Variants in CSMD1 observed in about 807,000 individuals in gnomAD.
CSMD1 encodes the protein CUB and Sushi multiple domains 1, also known as CUB and sushi domain-containing protein 1.
In CSMD1, 213 loss-of-function variants were observed where a neutral mutation model predicts 417.5. The ratio of observed to expected loss-of-function variants is 0.51; its 90% CI spans 0.46 to 0.57. CSMD1 has a LOEUF of 0.57. Among genes scored for constraint, CSMD1 ranks in the 20% least tolerant of loss-of-function variants. The pLI is 0.00. For missense variants in CSMD1, 6,923 were observed against 4,529.7 expected, an observed-to-expected ratio of 1.53 and a Z score of -15.17; for synonymous variants, 2,862 against 1,736.8, an observed-to-expected ratio of 1.65 and a Z score of -16.11.
chr8:3,008,192 G>A (rs988194106), intron 52 of CSMD1, among the ~76,000 whole-genome samples: 1 of 152,168 alleles, frequency 6.6e-6, no homozygotes, highest in Admixed American at 6.5e-5. Flanking sequence ...GGCTCGAGAG[G>A]GAGGAAAGGC....
intron 1 of CSMD1, among the ~76,000 whole-genome samples, chr8:4,965,309 A>C (rs889266444): frequency 6.6e-6 from 1 of 152,244 alleles, no homozygotes; most frequent in African/African-American, 2.4e-5. Context: ...CATAGTTGCA[A>C]ATGCTTTACA....
chr8:3,619,116 A>G (rs539518157), intron 7 of CSMD1, among the ~76,000 whole-genome samples: 7 of 148,630 alleles, frequency 4.7e-5, no homozygotes, highest in African/African-American at 1.8e-4. Context: ...AATAGAACAC[A>G]TATCTAAGGT....
At chr8:4,333,413 C>T (rs765306657) in intron 3 of CSMD1, among the ~76,000 whole-genome samples, 23 of 152,112 alleles carry the variant, frequency 1.5e-4, no homozygotes, top group Non-Finnish European at 3.1e-4. Context: ...GTCTCCTCAA[C>T]TACCTGTTGC....
intron 25 of CSMD1, 106 bp downstream of exon 25, chr8:3,307,589 G>GTTCAGAAACT: frequency 2.3e-6 from 3 of 1,292,060 alleles, no homozygotes; most frequent in Non-Finnish European, 3.2e-6. Flanking sequence ...TTCTTCTTTA[G>GTTCAGAAACT]TTCAGAAACT....
intron 5 of CSMD1, among the ~76,000 whole-genome samples, chr8:3,974,172 A>AC (rs1296754096): frequency 2.0e-5 from 3 of 151,978 alleles, no homozygotes; most frequent in East Asian, 1.9e-4. Flanking sequence ...ACTCGCACAC[A>AC]CCCCCACAGT....
At chr8:3,156,945 G>T (rs564878397) in intron 39 of CSMD1, among the ~76,000 whole-genome samples, 40 of 140,426 alleles carry the variant, frequency 2.8e-4, no homozygotes, top group African/African-American at 1.0e-3. Flanking sequence ...TTTAGGGAGT[G>T]AGGGAGAAAT....
At chr8:4,834,137 A>T (rs765774919) in intron 1 of CSMD1, among the ~76,000 whole-genome samples, 4 of 152,238 alleles carry the variant, frequency 2.6e-5, no homozygotes, top group Non-Finnish European at 5.9e-5. Flanking sequence ...AAGTTTTTAA[A>T]CACCTAATTC....
chr8:3,188,630 T>G (rs1003775114), intron 35 of CSMD1, among the ~76,000 whole-genome samples: 1 of 152,090 alleles, frequency 6.6e-6, no homozygotes, highest in Non-Finnish European at 1.5e-5. Flanking sequence ...CTACAAATGG[T>G]ACTTTTGATA....
At chr8:3,493,758 A>T in intron 10 of CSMD1, 32 bp from the exon 11 acceptor site, 1 of 1,552,526 alleles carries the variant, frequency 6.4e-7, no homozygotes, top group Non-Finnish European at 8.8e-7. Flanking sequence ...GTGACTTAGA[A>T]CAACAGGTAC....
At chr8:4,371,157 G>C (rs557694922) in intron 3 of CSMD1, among the ~76,000 whole-genome samples, 1 of 152,124 alleles carries the variant, frequency 6.6e-6, no homozygotes, top group Admixed American at 6.5e-5. Flanking sequence ...GGGTATAGCT[G>C]AATGACTTTA....
intron 3 of CSMD1, among the ~76,000 whole-genome samples, chr8:4,203,686 G>A (rs1395204538): frequency 6.6e-6 from 1 of 151,870 alleles, no homozygotes; most frequent in Admixed American, 6.6e-5. Context: ...TGTAAGTAGG[G>A]ATCACACACA....
At chr8:4,853,149 A>C (rs1273232042) in intron 1 of CSMD1, among the ~76,000 whole-genome samples, 3 of 152,208 alleles carry the variant, frequency 2.0e-5, no homozygotes, top group Non-Finnish European at 4.4e-5. Context: ...TGGAGCAAAC[A>C]CTTTCTAGAG....
chr8:4,394,391 G>C (rs146973578), intron 3 of CSMD1, among the ~76,000 whole-genome samples: 144 of 152,220 alleles, frequency 9.5e-4, no homozygotes, highest in African/African-American at 3.2e-3. Flanking sequence ...ACTAGAAATG[G>C]TTTTCTTAGA....
chr8:4,546,403 G>T (rs532006922), intron 2 of CSMD1, among the ~76,000 whole-genome samples: 1 of 152,294 alleles, frequency 6.6e-6, no homozygotes, highest in South Asian at 2.1e-4. Flanking sequence ...GTTTCTAGAA[G>T]ATATTAGAGT....
intron 7 of CSMD1, among the ~76,000 whole-genome samples, chr8:3,680,315 G>A (rs934550041): frequency 6.6e-6 from 1 of 152,058 alleles, no homozygotes; most frequent in South Asian, 2.1e-4. Flanking sequence ...AGAAAAGAGA[G>A]AAGAATCAAA....
intron 3 of CSMD1, among the ~76,000 whole-genome samples, chr8:4,414,975 C>A (rs1024917106): frequency 2.0e-5 from 3 of 152,084 alleles, no homozygotes; most frequent in African/African-American, 7.2e-5. Flanking sequence ...ATAACTATCA[C>A]TTAAAAGCCA....
chr8:3,030,413 A>T (rs960174616), intron 50 of CSMD1, among the ~76,000 whole-genome samples: 4 of 151,728 alleles, frequency 2.6e-5, no homozygotes, highest in Non-Finnish European at 5.9e-5. Context: ...TTGAGCTGGG[A>T]AGAATTAACT....
At chr8:3,164,812 A>G (rs913949535) in intron 37 of CSMD1, among the ~76,000 whole-genome samples, 7 of 152,192 alleles carry the variant, frequency 4.6e-5, no homozygotes, top group Non-Finnish European at 2.9e-5. Flanking sequence ...AAACATTACA[A>G]TTCATATTAA....
At chr8:4,801,209 G>C (rs998260656) in intron 1 of CSMD1, among the ~76,000 whole-genome samples, 1 of 152,162 alleles carries the variant, frequency 6.6e-6, no homozygotes, top group Admixed American at 6.5e-5. Context: ...TCATTTCTTA[G>C]CTAAATCTTA....
Sources: gnomAD v4.1 joint callset for allele counts (sites outside exome capture counted in the v4.1 genomes callset) on GRCh38, gnomAD v4.1.1 for gene constraint, MANE v1.5 for transcripts, NCBI Gene and HGNC (gene_info 2026-07-23, HGNC 2026-07-21) for gene names.